TNRC18: variants seen among roughly 807,000 people sequenced by gnomAD.
The protein encoded by TNRC18 is trinucleotide repeat-containing gene 18 protein.
In TNRC18, 69 loss-of-function variants were observed where a neutral mutation model predicts 226.7. The observed-to-expected ratio is 0.30, with a 90% CI of 0.25 to 0.37. TNRC18 has a LOEUF of 0.37. TNRC18 is among the 10% of genes least tolerant of loss of function. The pLI is 1.00. For synonymous variants in TNRC18, 2,449 were observed against 1,927.6 expected (o/e 1.27, Z -7.09); for missense variants, 4,754 against 4,256.6 (o/e 1.12, Z -3.25).
intron 1 of TNRC18, chr7:5,422,943 A>G (rs1433614904): frequency 6.6e-6 from 1 of 152,192 alleles, no homozygotes; most frequent in East Asian, 1.9e-4. Context: ...GCCTCGTAGT[A>G]TGCCCAGGCG....
intron 18 of TNRC18, among the ~76,000 whole-genome samples, chr7:5,341,762 CAAAAA>C (rs34897154): frequency 4.3e-5 from 4 of 92,228 alleles, no homozygotes; most frequent in Non-Finnish European, 6.5e-5. Context: ...GACTCCGTCT[CAAAAA>C]AAAAAAAAAA....
In TNRC18 at chr7:5,388,835, G is replaced by C. The variant is rs1412651475; in HGVS notation, c.989C>G (p.Pro330Arg). The C allele has an allele frequency of 1.5e-4, 177 of 1,206,956 alleles. No homozygotes were observed. Among genetic ancestry groups the C allele is most frequent in the Non-Finnish European group, 1.8e-4 (173 of 969,758 alleles). The allele number at this position is 1,206,956 out of a possible 1,614,324, so 74.8% of individuals were successfully genotyped here. A position where few individuals can be genotyped will look rare whatever the true frequency, so the allele number is the denominator to read the frequency against. ...RTETLLPGPR[P>R]CPSPLPPPPA... is the part of the protein sequence containing the mutation. Reference sequence around the variant, plus strand: ...CGGCGGGGGCAGCGGTGAGGGGCAGGGGCGCGGCCCAGGGAGCAGGGTCTC... The same window carrying C: ...CGGCGGGGGCAGCGGTGAGGGGCAGCGGCGCGGCCCAGGGAGCAGGGTCTC... Residue 330 changes from proline (P) to arginine (R), a missense_variant, in exon 5 of 30, where the codon CCC becomes CGC. Transcript: ENST00000430969.
Position 5,346,840 on chromosome 7 carries a change from C to T in TNRC18, c.5471-1030G>A, listed in dbSNP as rs1791245889. The stretch of plus-strand genomic sequence containing the variant: ...TTTGCATGGAGGAGAAAGCCATTTG[C>T]AAGCTTAAAGACAATCGAACAGAAA... On this transcript the variant is annotated intron_variant, in intron 17 of 29. Coordinates refer to ENST00000430969, the MANE Select transcript of TNRC18 (RefSeq NM_001080495.3). Among the ~76,000 whole-genome samples the T allele has an allele frequency of 3.9e-5, 6 of 152,308 alleles. 1 individual carries two copies. In the South Asian group the frequency reaches 1.2e-3, roughly 32 times the overall value.
rs769607538 is a variant in TNRC18 at position 5,314,999 on chromosome 7, C to T, written c.7012G>A (p.Ala2338Thr). ...KARGRGRKPSAKAKGDRAATL... is the reference protein window; with the variant it reads ...KARGRGRKPSTKAKGDRAATL... ...GCCAACCTACCACCCTTGGCCTTGG[C>T]GCTGGGTTTCCGCCCACGCCCACGG... Residue 2338 changes from alanine (A) to threonine (T), a missense_variant, in exon 26 of 30, where the codon GCC becomes ACC. Ala to Thr is a moderately conservative substitution (Grantham distance 58). Transcript: ENST00000430969. 3.1e-5 allele frequency: 50 copies of T among 1,606,478 alleles called. No individual in the cohort carries two copies. In the East Asian group the frequency reaches 3.1e-4, roughly 10 times the overall value.
intron 11 of TNRC18, among the ~76,000 whole-genome samples, chr7:5,363,990 CG>C (rs1225613660): frequency 1.3e-5 from 2 of 152,070 alleles, no homozygotes; most frequent in African/African-American, 2.4e-5. Flanking sequence ...ACGACATCCA[CG>C]GGCATCCTTT....
chr7:5,325,468 G>A (rs1274534692), intron 19 of TNRC18: 6 of 513,044 alleles, frequency 1.2e-5, no homozygotes, highest in Non-Finnish European at 2.0e-5. Context: ...CTGTCACCGA[G>A]GCTGGAGCGC....
intron 2 of TNRC18, among the ~76,000 whole-genome samples, chr7:5,402,123 G>T (rs866911041): frequency 3.2e-4 from 47 of 147,414 alleles, no homozygotes; most frequent in African/African-American, 1.2e-3. Context: ...AGCATGCCGT[G>T]AGCTGAGATC....
At position 5,312,863 on chromosome 7, in the gene TNRC18, G is replaced by C. The variant is rs1787371380; in HGVS notation, c.8028C>G (p.Asp2676Glu). 7.2e-6 allele frequency: 11 copies of C among 1,528,136 alleles called. No homozygotes were observed. In the East Asian group the frequency reaches 2.6e-4, roughly 36 times the overall value. 94.7% of individuals were successfully genotyped at this position (1,528,136 alleles called of 1,614,324 possible). A position where few individuals can be genotyped will look rare whatever the true frequency, so the allele number is the denominator to read the frequency against. ...SSSSSSTTDE[D>E]SSCSSDDEAA... is the part of the protein sequence containing the mutation. ...CCTCATCGTCCGAGCTGCAGGAAGA[G>C]TCCTCGTCTGTGGTGGAGGAAGAAG... Residue 2676 changes from aspartate to glutamate, a missense_variant, in exon 27 of 30, where the codon GAC becomes GAG. Coordinates refer to ENST00000430969, the MANE Select transcript of TNRC18 (RefSeq NM_001080495.3). This position sits in a 1 kb window ranked among gnomAD's most constrained non-coding sequence, Gnocchi z 6.3.
At chr7:5,407,813 C>G (rs10241758) in intron 2 of TNRC18, among the ~76,000 whole-genome samples, 80,903 of 151,886 alleles carry the variant, frequency 0.53, 23,007 homozygotes, top group African/African-American at 0.73. Context: ...TCCCCCCTAC[C>G]GAGACTCCAC....
At chr7:5,376,476 G>C (rs904617528) in intron 8 of TNRC18, among the ~76,000 whole-genome samples, 6 of 152,186 alleles carry the variant, frequency 3.9e-5, no homozygotes, top group Non-Finnish European at 7.4e-5. Context: ...CTCGCAACCA[G>C]AGCAGGTCAG....
chr7:5,418,205 G>A (rs1782310675), intron 2 of TNRC18, among the ~76,000 whole-genome samples: 2 of 152,174 alleles, frequency 1.3e-5, no homozygotes, highest in South Asian at 4.1e-4. Flanking sequence ...CAAGCCCCAG[G>A]TGTTTGTCAG....
chr7:5,364,091 A>G (rs1024133564), intron 11 of TNRC18, among the ~76,000 whole-genome samples: 1 of 152,202 alleles, frequency 6.6e-6, no homozygotes, highest in East Asian at 1.9e-4. Flanking sequence ...TGAGGTGAGC[A>G]GTTTTGAGAC....
At chr7:5,359,315 T>C (rs1474397828) in intron 15 of TNRC18, 83 bp downstream of exon 15, 20 of 1,432,244 alleles carry the variant, frequency 1.4e-5, no homozygotes, top group Non-Finnish European at 1.9e-5. Flanking sequence ...ACAAAGGGCC[T>C]GCGAAGGGAG....
chr7:5,333,698 C>T (rs1226591655), intron 18 of TNRC18, among the ~76,000 whole-genome samples: 1 of 152,168 alleles, frequency 6.6e-6, no homozygotes, highest in African/African-American at 2.4e-5. Flanking sequence ...CCACCATCCC[C>T]ACTCATTCCC....
At chr7:5,416,357 G>A (rs879633394) in intron 2 of TNRC18, among the ~76,000 whole-genome samples, 8 of 151,830 alleles carry the variant, frequency 5.3e-5, no homozygotes, top group African/African-American at 9.7e-5. Flanking sequence ...AGAGCTTGCA[G>A]TGAGCCGAGA....
Position 5,399,446 on chromosome 7 carries a change from C to T in TNRC18, c.188-4851G>A, listed in dbSNP as rs111439432. ...TAAAACACACACCTGGGCACAGTGG[C>T]TCACACCTATAATCCCAGCACTTTG... On this transcript the variant is annotated intron_variant, in intron 2 of 29. Transcript: ENST00000430969. Among the ~76,000 whole-genome samples the T allele has an allele frequency of 2.9e-3, 445 of 152,340 alleles. 2 individuals are homozygous for T. The highest frequency in any genetic ancestry group is 6.8e-3 in the Middle Eastern group (2 of 294).
chr7:5,395,168 C>G (rs1020351222), intron 2 of TNRC18, among the ~76,000 whole-genome samples: 1 of 152,182 alleles, frequency 6.6e-6, no homozygotes, highest in African/African-American at 2.4e-5. Context: ...CCAGGTCACA[C>G]AGCCAGAAAG....
intron 14 of TNRC18, among the ~76,000 whole-genome samples, chr7:5,361,006 G>C (rs1156595936): frequency 3.3e-5 from 5 of 152,140 alleles, no homozygotes; most frequent in African/African-American, 1.2e-4. Context: ...TCGTGCTACA[G>C]ACACCGAGGG....
In TNRC18 at chr7:5,388,380, G is replaced by C; in HGVS notation, c.1444C>G (p.Pro482Ala). Residue 482 changes from proline (P) to alanine (A), a missense_variant, in exon 5 of 30, where the codon CCA becomes GCA. Transcript: ENST00000430969. ...GCCTGTTGGGCTGCAGGACCGGCTG[G>C]GCCGCGGGGCGCACGCTCGCAGGGC... The part of the protein sequence containing the change: ...PRPCERAPRG[P>A]AGPAAQQAAK... The C allele has an allele frequency of 6.5e-7, 1 of 1,532,322 alleles. No homozygotes were observed. The highest frequency in any genetic ancestry group is 8.7e-7 in the Non-Finnish European group (1 of 1,145,534). The allele number at this position is 1,532,322 out of a possible 1,614,324, so 94.9% of individuals were successfully genotyped here. A position where few individuals can be genotyped will look rare whatever the true frequency, so the allele number is the denominator to read the frequency against.
Sources: gnomAD v4.1 joint callset for allele counts (sites outside exome capture counted in the v4.1 genomes callset) on GRCh38, gnomAD v4.1.1 for gene constraint, Gnocchi (gnomAD v3.1) non-coding constraint, MANE v1.5 for transcripts, NCBI Gene and HGNC (gene_info 2026-07-23, HGNC 2026-07-21) for gene names.